The following GSN variants were observed in gnomAD, a reference collection of about 807,000 sequenced individuals.
GSN encodes the protein gelsolin, also known as actin-depolymerizing factor.
A neutral mutation model predicts 85.7 loss-of-function variants in GSN; 56 were observed. The ratio of observed to expected loss-of-function variants is 0.65; its 90% confidence interval spans 0.53 to 0.82. GSN has a LOEUF of 0.82. Ranked by LOEUF, GSN falls within the 40% of genes least tolerant of loss-of-function variation. The pLI, the probability that GSN is intolerant of heterozygous loss-of-function variation, is 0.00. For synonymous variants in GSN, 373 were observed against 399.1 expected (o/e 0.93, Z 0.78); for missense variants, 857 against 979.8 (o/e 0.87, Z 1.67).
intron 2 of GSN, among the ~76,000 whole-genome samples, chr9:121,287,006 G>A (rs900138729): frequency 3.3e-5 from 5 of 152,152 alleles, no homozygotes; most frequent in African/African-American, 9.7e-5. Context: ...AGATGGGGAC[G>A]TTCATTCCGG....
intron 2 of GSN, chr9:121,285,276 A>G (rs1357993830): frequency 2.4e-5 from 4 of 167,138 alleles, no homozygotes; most frequent in Non-Finnish European, 5.9e-5. Context: ...CCATGTTGTA[A>G]TCTGCCCCTC....
At chr9:121,320,783 G>C (rs2062335560) in intron 10 of GSN, among the ~76,000 whole-genome samples, 1 of 152,174 alleles carries the variant, frequency 6.6e-6, no homozygotes. Context: ...CAGTCCCTTT[G>C]TGCCGGGCCC....
intron 1 of GSN, among the ~76,000 whole-genome samples, chr9:121,209,092 A>G (rs999064607): frequency 3.3e-5 from 5 of 152,232 alleles, no homozygotes; most frequent in African/African-American, 9.6e-5. Flanking sequence ...TTTATTAGTG[A>G]TATTGCCAGG....
intron 4 of GSN, among the ~76,000 whole-genome samples, chr9:121,214,661 C>G (rs1455052968): frequency 6.6e-6 from 1 of 152,184 alleles, no homozygotes; most frequent in African/African-American, 2.4e-5. Flanking sequence ...ATCATTTCTC[C>G]TGAGTTATCC....
chr9:121,309,536 G>A (rs1401117564), intron 4 of GSN: 2 of 152,244 alleles, frequency 1.3e-5, no homozygotes, highest in Non-Finnish European at 2.9e-5. Context: ...GTACCGTAGG[G>A]GAAAGCAGAA....
rs1400231109 is a variant in GSN, at chr9:121,261,073, GTGT to G, written c.-340-4077_-340-4075del. Among the ~76,000 whole-genome samples the G allele has an allele frequency of 1.3e-5, 2 of 152,238 alleles. No homozygotes were observed. The highest frequency in any genetic ancestry group is 4.8e-5 in the African/African-American group (2 of 41,466). ...CAACATTTGAAAAGCCCATTGTTCG[GTGT>G]TGTGATAATATAACTCTCTGTAAAT... On this transcript the variant is annotated intron_variant, in intron 6 of 24. Transcript: ENST00000373823. This position sits in a 1 kb window ranked among gnomAD's most constrained non-coding sequence, Gnocchi z 4.1.
intron 6 of GSN, among the ~76,000 whole-genome samples, chr9:121,250,593 A>T (rs1211688202): frequency 6.6e-6 from 1 of 150,598 alleles, no homozygotes; most frequent in African/African-American, 2.5e-5. Flanking sequence ...GCTGTAGTGC[A>T]GCTGTGTGAT....
Position 121,318,218 on chromosome 9 carries a change from C to T in GSN, c.887-188C>T, listed in dbSNP as rs2061948623. Among the ~76,000 whole-genome samples the T allele has an allele frequency of 6.6e-6, 1 of 152,126 alleles. No homozygotes were observed. Among genetic ancestry groups the T allele is most frequent in the African/African-American group, 2.4e-5 (1 of 41,418 alleles). ...TAGTGTTGTGATTGGTGTCACTGGC[C>T]AGCCCCAGGCTGGACACCAGGAGCT... On this transcript the variant is annotated intron_variant, in intron 8 of 17. Transcript: ENST00000432226. This position sits in a 1 kb window ranked among gnomAD's most constrained non-coding sequence, Gnocchi z 4.3.
At position 121,326,613 on chromosome 9, in the gene GSN, G is replaced by T; in HGVS notation, c.1518G>T (p.Gln506His). The change falls in exon 13 of 18, where the codon CAG becomes CAT. Residue 506 changes from glutamine (Q) to histidine (H), a missense_variant. Coordinates refer to ENST00000432226, the MANE Select transcript of GSN (RefSeq NM_198252.3). ...YKGGTSREGG[Q>H]TAPASTRLFQ... Reference sequence around the variant, plus strand: ...GCGGCACCTCCCGCGAGGGCGGGCAGACAGCCCCTGCCAGCACCCGCCTCT... The same window carrying T: ...GCGGCACCTCCCGCGAGGGCGGGCATACAGCCCCTGCCAGCACCCGCCTCT... 6.2e-7 allele frequency: 1 copy of T among 1,605,352 alleles called. No homozygotes were observed. The highest frequency in any genetic ancestry group is 1.1e-5 in the South Asian group (1 of 90,392).
chr9:121,228,134 T>C (rs1329864700), intron 4 of GSN, among the ~76,000 whole-genome samples: 1 of 152,036 alleles, frequency 6.6e-6, no homozygotes, highest in African/African-American at 2.4e-5. Context: ...CTGATATTTA[T>C]CCTGTGTTGT....
At chr9:121,246,094 G>T (rs1472091364) in intron 5 of GSN, among the ~76,000 whole-genome samples, 1 of 152,136 alleles carries the variant, frequency 6.6e-6, no homozygotes, top group East Asian at 1.9e-4. Context: ...ATATATCTAA[G>T]ATTTGCCTCA....
chr9:121,331,307 C>T, intron 16 of GSN, 81 bp from the exon 17 acceptor site: 3 of 828,062 alleles, frequency 3.6e-6, no homozygotes, highest in South Asian at 2.9e-5. Flanking sequence ...GGTCTGATAC[C>T]TGGCCCCTCC....
rs2063335943 is a variant in GSN, at chr9:121,327,323, G to T, written c.1603G>T (p.Gly535Cys). The T allele has an allele frequency of 6.2e-7, 1 of 1,613,936 alleles. No individual in the cohort carries two copies. The change falls in exon 14 of 18, where the codon GGT becomes TGT. Residue 535 changes from glycine (G) to cysteine (C), a missense_variant. Coordinates refer to ENST00000432226, the MANE Select transcript of GSN (RefSeq NM_198252.3). ...TRAVEVLPKA[G>C]ALNSNDAFVL... ...ACCCTCCCAGGTATTGCCTAAGGCT[G>T]GTGCACTGAACTCCAACGATGCCTT...
intron 2 of GSN, among the ~76,000 whole-genome samples, chr9:121,288,460 G>A (rs908324409): frequency 6.6e-6 from 1 of 152,194 alleles, no homozygotes; most frequent in Admixed American, 6.5e-5. Context: ...GCCCAGGTAC[G>A]GTTGGCACAG....
At chr9:121,277,515 C>A (rs1442812465) in intron 1 of GSN, among the ~76,000 whole-genome samples, 1 of 152,120 alleles carries the variant, frequency 6.6e-6, no homozygotes. Flanking sequence ...GAGGCAAGTC[C>A]CTTGTTCAGG....
At position 121,324,650 on chromosome 9, in the gene GSN, C is replaced by T; in HGVS notation, c.1416+6C>T. ...TGGGAGGTACCCCTGTCCAGGTGAG[C>T]CCAGCCCACCGCCTCTCTGGGCTGC... On this transcript the variant is annotated splice_donor_region_variant and intron_variant, in intron 12 of 17. Coordinates refer to ENST00000432226, the MANE Select transcript of GSN (RefSeq NM_198252.3). 1 of 1,432,738 alleles carries T rather than the reference C, an allele frequency of 7.0e-7. No homozygotes were observed. The highest frequency in any genetic ancestry group is 9.6e-7 in the Non-Finnish European group (1 of 1,042,488). 88.8% of individuals were successfully genotyped at this position (1,432,738 alleles called of 1,614,324 possible). A position where few individuals can be genotyped will look rare whatever the true frequency, so the allele number is the denominator to read the frequency against.
At chr9:121,298,681 G>C (rs141566475) in intron 2 of GSN, among the ~76,000 whole-genome samples, 5 of 152,240 alleles carry the variant, frequency 3.3e-5, no homozygotes, top group Non-Finnish European at 5.9e-5. Flanking sequence ...ATGAAAGCCA[G>C]CTCTCCAACT....
chr9:121,232,966 G>A (rs2054422561), intron 5 of GSN, among the ~76,000 whole-genome samples: 1 of 152,110 alleles, frequency 6.6e-6, no homozygotes, highest in Non-Finnish European at 1.5e-5. Context: ...GCTTTGTGGT[G>A]GATTAAAGAC....
At chr9:121,287,238 A>G (rs2058220776) in intron 2 of GSN, among the ~76,000 whole-genome samples, 1 of 152,206 alleles carries the variant, frequency 6.6e-6, no homozygotes, top group South Asian at 2.1e-4. Context: ...GAGGCTGAGG[A>G]CAGGGGGAGG....
Sources: allele counts gnomAD v4.1 joint callset (sites outside exome capture counted in the v4.1 genomes callset), GRCh38; gene constraint gnomAD v4.1.1; non-coding constraint Gnocchi (gnomAD v3.1); transcripts MANE v1.5; gene names NCBI Gene and HGNC (gene_info 2026-07-23, HGNC 2026-07-21).